The following SGCZ variants were observed in gnomAD, a reference collection of about 807,000 sequenced individuals.
SGCZ encodes sarcoglycan zeta, also known as zeta-sarcoglycan.
In SGCZ, 40 loss-of-function variants were observed where a neutral mutation model predicts 41.3. That is an observed-to-expected ratio of 0.97 (90% CI 0.75 to 1.26). SGCZ has a LOEUF of 1.26. Ranked by LOEUF, SGCZ falls within the 50% of genes most tolerant of loss-of-function variation. The pLI is 0.00. For missense variants in SGCZ, 552 were observed against 369.8 expected (o/e 1.49, Z -4.04); for synonymous variants, 206 against 137.5 (o/e 1.50, Z -3.49).
chr8:14,785,196 G>T (rs956365546), intron 1 of SGCZ, among the ~76,000 whole-genome samples: 17 of 151,184 alleles, frequency 1.1e-4, no homozygotes, highest in African/African-American at 4.1e-4. Context: ...TCTGGAAATT[G>T]TTATAAAGTT....
At chr8:14,985,499 G>A (rs1350645887) in intron 1 of SGCZ, among the ~76,000 whole-genome samples, 1 of 152,104 alleles carries the variant, frequency 6.6e-6, no homozygotes, top group Non-Finnish European at 1.5e-5. Flanking sequence ...AAAACCAGGG[G>A]CTAAAATGCC....
At chr8:14,126,986 G>A (rs956857170) in intron 5 of SGCZ, among the ~76,000 whole-genome samples, 32 of 152,048 alleles carry the variant, frequency 2.1e-4, no homozygotes, top group Admixed American at 5.9e-4. Flanking sequence ...TGGGGGGTCA[G>A]GGGGAGGGAG....
At chr8:15,079,076 T>A (rs950298806) in intron 1 of SGCZ, among the ~76,000 whole-genome samples, 13 of 152,146 alleles carry the variant, frequency 8.5e-5, no homozygotes, top group African/African-American at 3.1e-4. Context: ...TCCTCCTTCT[T>A]CCTCCCAAAT....
intron 2 of SGCZ, among the ~76,000 whole-genome samples, chr8:14,485,506 G>C (rs941081868): frequency 2.0e-5 from 3 of 152,128 alleles, no homozygotes; most frequent in African/African-American, 7.2e-5. Flanking sequence ...AAAGTGCTGG[G>C]ATTACAGGGA....
At chr8:14,959,477 T>A (rs1230359100) in intron 1 of SGCZ, among the ~76,000 whole-genome samples, 1 of 152,138 alleles carries the variant, frequency 6.6e-6, no homozygotes, top group Non-Finnish European at 1.5e-5. Context: ...ATATCAGCCA[T>A]AACTTTTTCT....
intron 2 of SGCZ, among the ~76,000 whole-genome samples, chr8:14,326,449 A>G (rs1331482769): frequency 6.6e-6 from 1 of 152,178 alleles, no homozygotes; most frequent in Non-Finnish European, 1.5e-5. Flanking sequence ...AGGACTCTTT[A>G]AATTTTTTAA....
At chr8:15,159,344 G>C (rs1316935224) in intron 1 of SGCZ, among the ~76,000 whole-genome samples, 5 of 152,230 alleles carry the variant, frequency 3.3e-5, no homozygotes, top group East Asian at 3.9e-4. Context: ...AAAAAACATG[G>C]TTCCCTGAGT....
intron 1 of SGCZ, among the ~76,000 whole-genome samples, chr8:14,760,675 C>G (rs73531159): frequency 6.6e-6 from 1 of 152,086 alleles, no homozygotes; most frequent in African/African-American, 2.4e-5. Flanking sequence ...CTTGACAACT[C>G]TCCTATATTC....
intron 1 of SGCZ, among the ~76,000 whole-genome samples, chr8:14,679,283 TTAAAGTTAA>T (rs1178225249): frequency 6.6e-6 from 1 of 152,090 alleles, no homozygotes; most frequent in Non-Finnish European, 1.5e-5. Flanking sequence ...CATATTTTTT[TTAAAGTTAA>T]CTGTAAGCCT....
chr8:14,630,520 G>A (rs1408210973), intron 1 of SGCZ, among the ~76,000 whole-genome samples: 1 of 151,900 alleles, frequency 6.6e-6, no homozygotes, highest in Non-Finnish European at 1.5e-5. Flanking sequence ...TCCCATTACT[G>A]GGTATACACC....
At chr8:14,496,748 T>G (rs1424206758) in intron 2 of SGCZ, among the ~76,000 whole-genome samples, 2 of 152,322 alleles carry the variant, frequency 1.3e-5, no homozygotes, top group East Asian at 3.9e-4. Context: ...ACAGGCACTC[T>G]CATGTGTTTG....
intron 3 of SGCZ, among the ~76,000 whole-genome samples, chr8:14,285,710 G>C (rs1227727770): frequency 1.3e-5 from 2 of 152,084 alleles, no homozygotes; most frequent in Non-Finnish European, 2.9e-5. Context: ...GAAACCAGGG[G>C]AAAGTGGTTT....
intron 2 of SGCZ, among the ~76,000 whole-genome samples, chr8:14,335,280 A>T (rs1475755309): frequency 3.3e-5 from 5 of 152,128 alleles, no homozygotes; most frequent in East Asian, 3.9e-4. Flanking sequence ...AGAACCTTTC[A>T]TGCAGAAATG....
chr8:14,822,120 A>AGTTCTAGAAC (rs1802117753), intron 1 of SGCZ, among the ~76,000 whole-genome samples: 1 of 151,434 alleles, frequency 6.6e-6, no homozygotes, highest in Non-Finnish European at 1.5e-5. Context: ...GGTTAGAACT[A>AGTTCTAGAAC]ATAAATAAAT....
At chr8:14,197,068 T>G (rs1805288503) in intron 4 of SGCZ, among the ~76,000 whole-genome samples, 1 of 152,158 alleles carries the variant, frequency 6.6e-6, no homozygotes, top group Admixed American at 6.5e-5. Flanking sequence ...TAAAAATCAT[T>G]AAAATGTACA....
At chr8:14,635,969 G>T (rs1476372430) in intron 1 of SGCZ, among the ~76,000 whole-genome samples, 1 of 151,864 alleles carries the variant, frequency 6.6e-6, no homozygotes, top group Non-Finnish European at 1.5e-5. Context: ...GCACAATTAA[G>T]TTCTACCCAA....
intron 1 of SGCZ, among the ~76,000 whole-genome samples, chr8:14,567,201 G>T (rs12682064): frequency 1.3e-5 from 2 of 152,092 alleles, no homozygotes; most frequent in Non-Finnish European, 2.9e-5. Flanking sequence ...CCCATGGATC[G>T]CCCAAGGGCT....
intron 1 of SGCZ, among the ~76,000 whole-genome samples, chr8:14,947,935 G>A (rs573241435): frequency 3.9e-5 from 6 of 152,200 alleles, no homozygotes; most frequent in Admixed American, 2.0e-4. Context: ...AATTATCTTT[G>A]TTCTACCTCT....
chr8:14,955,843 A>T (rs1210060225), intron 1 of SGCZ, among the ~76,000 whole-genome samples: 1 of 152,068 alleles, frequency 6.6e-6, no homozygotes, highest in Non-Finnish European at 1.5e-5. Flanking sequence ...CTTCTACTTT[A>T]TGAGTTGTCT....
Sources: allele counts gnomAD v4.1 joint callset (sites outside exome capture counted in the v4.1 genomes callset), GRCh38; gene constraint gnomAD v4.1.1; transcripts MANE v1.5; gene names NCBI Gene and HGNC (gene_info 2026-07-23, HGNC 2026-07-21).